Variants in SPATA17 observed in about 807,000 individuals in gnomAD.
SPATA17 encodes the protein spermatogenesis associated 17, also known as spermatogenesis-associated protein 17.
A neutral mutation model predicts 62.2 loss-of-function variants in SPATA17; 53 were observed. That is an observed-to-expected ratio of 0.85 (90% CI 0.68 to 1.07). The LOEUF is 1.07. Among genes scored for constraint, SPATA17 ranks in the 50% least tolerant of loss-of-function variants. The probability of loss-of-function intolerance (pLI) is 0.00; values close to 1 mark genes in which losing one functional copy is unlikely to be tolerated. For missense variants in SPATA17, 466 were observed against 425.5 expected, an observed-to-expected ratio of 1.10 and a Z score of -0.84; for synonymous variants, 146 against 146.8, an observed-to-expected ratio of 0.99 and a Z score of 0.04.
intron 5 of SPATA17, among the ~76,000 whole-genome samples, chr1:217,707,759 T>C (rs897659828): frequency 6.6e-5 from 10 of 152,190 alleles, no homozygotes; most frequent in African/African-American, 2.4e-4. Flanking sequence ...TGCATTCTTC[T>C]CATCTGCACA....
At chr1:217,648,067 CA>C (rs1670230590) in intron 1 of SPATA17, among the ~76,000 whole-genome samples, 2 of 152,002 alleles carry the variant, frequency 1.3e-5, no homozygotes, top group South Asian at 4.2e-4. Context: ...TACAAATATA[CA>C]ACAATAAGGA....
chr1:217,707,223 G>A (rs760231107), intron 5 of SPATA17, among the ~76,000 whole-genome samples: 3 of 151,866 alleles, frequency 2.0e-5, no homozygotes, highest in South Asian at 2.1e-4. Context: ...TTTGGCTCTC[G>A]GCTTGGATGT....
At position 217,741,978 on chromosome 1, in the gene SPATA17, G is replaced by A. The variant is rs767485488; in HGVS notation, c.399G>A (p.Lys133=). The change falls in exon 6 of 11, where the codon AAG becomes AAA. Residue 133 remains lysine (K), a synonymous_variant. Coordinates refer to ENST00000366933, the MANE Select transcript of SPATA17 (RefSeq NM_138796.4). ...VVSETNDAIR[K]ALEEFAEMKE... ...ACTGCAGATGGTTTTGATGCAGGAAGGCACTGGAGGAGTTTGCAGAAATGA... is the reference window on the plus strand; with the variant it reads ...ACTGCAGATGGTTTTGATGCAGGAAAGCACTGGAGGAGTTTGCAGAAATGA... 1 of 1,613,840 alleles carries A rather than the reference G, an allele frequency of 6.2e-7. No individual in the cohort carries two copies. Among genetic ancestry groups the A allele is most frequent in the African/African-American group, 1.3e-5 (1 of 74,896 alleles).
intron 5 of SPATA17, among the ~76,000 whole-genome samples, chr1:217,731,847 T>G (rs1054197897): frequency 1.3e-5 from 2 of 152,142 alleles, no homozygotes; most frequent in African/African-American, 4.8e-5. Flanking sequence ...AGAATGGGAA[T>G]TCATAGAACA....
intron 9 of SPATA17, among the ~76,000 whole-genome samples, chr1:217,837,092 G>T (rs183356323): frequency 1.3e-5 from 2 of 151,958 alleles, no homozygotes; most frequent in Admixed American, 6.6e-5. Context: ...ATATCAAATG[G>T]CTTGGCCTAC....
intron 9 of SPATA17, among the ~76,000 whole-genome samples, chr1:217,803,889 C>G (rs1410502398): frequency 6.6e-6 from 1 of 151,848 alleles, no homozygotes; most frequent in Admixed American, 6.6e-5. Context: ...GTGGTGGTGC[C>G]TGCCTGTAGT....
At chr1:217,665,665 G>A (rs1670678588) in intron 3 of SPATA17, among the ~76,000 whole-genome samples, 1 of 152,174 alleles carries the variant, frequency 6.6e-6, no homozygotes, top group Non-Finnish European at 1.5e-5. Context: ...CATGTATACA[G>A]TTGGGTCAGT....
At chr1:217,835,360 G>A (rs148536289) in intron 9 of SPATA17, among the ~76,000 whole-genome samples, 37 of 152,224 alleles carry the variant, frequency 2.4e-4, no homozygotes, top group Admixed American at 7.2e-4. Context: ...TCAATAGGAT[G>A]TTCAGAGATT....
chr1:217,837,222 A>T (rs1281075148), intron 9 of SPATA17, among the ~76,000 whole-genome samples: 1 of 152,150 alleles, frequency 6.6e-6, no homozygotes, highest in Non-Finnish European at 1.5e-5. Flanking sequence ...ATGAGATTAA[A>T]AACAGTAATA....
chr1:217,637,202 G>A (rs1370085556), intron 1 of SPATA17, among the ~76,000 whole-genome samples: 1 of 152,102 alleles, frequency 6.6e-6, no homozygotes, highest in Admixed American at 6.6e-5. Context: ...TTTATTTGAT[G>A]TTTACAATAA....
chr1:217,733,816 A>G (rs1269752236), intron 5 of SPATA17, among the ~76,000 whole-genome samples: 4 of 152,196 alleles, frequency 2.6e-5, no homozygotes, highest in Non-Finnish European at 5.9e-5. Flanking sequence ...TTAAAATGTT[A>G]AAGTTTCAAC....
In SPATA17 at chr1:217,771,699, TC is replaced by T. The variant is rs199763722; in HGVS notation, c.520-2634del. Reference sequence around the variant, plus strand: ...TTTGAAATTCAATTAAAATATATTTTCGATCTATATTTGATTTAAATTGCAA... The same window carrying T: ...TTTGAAATTCAATTAAAATATATTTTGATCTATATTTGATTTAAATTGCAA... On this transcript the variant is annotated intron_variant, in intron 6 of 10. Coordinates refer to ENST00000366933, the MANE Select transcript of SPATA17 (RefSeq NM_138796.4). 9.8e-3 allele frequency among the ~76,000 whole-genome samples: 1,500 copies of T among 152,314 alleles called. 16 individuals are homozygous for T. Among genetic ancestry groups the T allele is most frequent in the Middle Eastern group, 0.044 (13 of 294 alleles).
intron 5 of SPATA17, among the ~76,000 whole-genome samples, chr1:217,714,451 AATAG>A (rs373200322): frequency 5.6e-4 from 84 of 151,220 alleles, no homozygotes; most frequent in Non-Finnish European, 9.3e-4. Flanking sequence ...ATTCAGGACA[AATAG>A]ATAGATTTGA....
At position 217,795,352 on chromosome 1, in the gene SPATA17, A is replaced by G. The variant is rs969702872; in HGVS notation, c.873-6366A>G. On this transcript the variant is annotated intron_variant, in intron 8 of 10. Transcript: ENST00000366933. ...GAGAACATAGCAGTGAGCAAGACAG[A>G]CAAAAGTCTCTTTTTTTTTTTTTTT... Among the ~76,000 whole-genome samples the G allele has an allele frequency of 3.3e-5, 5 of 149,978 alleles. No individual in the cohort carries two copies. In the Admixed American group the frequency reaches 3.3e-4, roughly 10 times the overall value.
At chr1:217,641,584 AAC>A (rs1274760975) in intron 1 of SPATA17, among the ~76,000 whole-genome samples, 4 of 152,200 alleles carry the variant, frequency 2.6e-5, no homozygotes, top group Non-Finnish European at 5.9e-5. Flanking sequence ...AGAGATTAAA[AAC>A]ACAGTATCTG....
chr1:217,665,765 C>G (rs953298803), intron 3 of SPATA17, among the ~76,000 whole-genome samples: 1 of 151,958 alleles, frequency 6.6e-6, no homozygotes, highest in Non-Finnish European at 1.5e-5. Context: ...GAATAAGAGC[C>G]CTGTCTAAAA....
rs10559433 is a variant in SPATA17, at chr1:217,742,949, A to AATATATAT, written c.519+864_519+871dup. Among the ~76,000 whole-genome samples the AATATATAT allele has an allele frequency of 4.6e-3, 670 of 146,142 alleles. 8 individuals are homozygous for AATATATAT. Among genetic ancestry groups the AATATATAT allele is most frequent in the African/African-American group, 0.016 (650 of 39,868 alleles). ...TCATCCTTAGAGGCATCCAAATTAA[A>AATATATAT]ATATATATATATATATATATTAAAT... On this transcript the variant is annotated intron_variant, in intron 6 of 10. Coordinates refer to ENST00000366933, the MANE Select transcript of SPATA17 (RefSeq NM_138796.4).
intron 6 of SPATA17, among the ~76,000 whole-genome samples, chr1:217,749,985 C>CTCTG: frequency 8.1e-5 from 1 of 12,316 alleles, no homozygotes; most frequent in African/African-American, 3.0e-4. Flanking sequence ...CTCTCTCTCT[C>CTCTG]TATATATATA....
chr1:217,753,163 T>G (rs11117924), intron 6 of SPATA17, among the ~76,000 whole-genome samples: 40,888 of 151,990 alleles, frequency 0.27, 5,859 homozygotes, highest in East Asian at 0.53. Context: ...GTGAACAAAT[T>G]GCCAGGGTCC....
Sources: gnomAD v4.1 joint callset for allele counts (sites outside exome capture counted in the v4.1 genomes callset) on GRCh38, gnomAD v4.1.1 for gene constraint, MANE v1.5 for transcripts, NCBI Gene and HGNC (gene_info 2026-07-23, HGNC 2026-07-21) for gene names.